Variants in RGS22 observed in about 807,000 individuals in gnomAD.
RGS22 encodes regulator of G protein signaling 22.
In RGS22, 148 loss-of-function variants were observed where a neutral mutation model predicts 172.9. The observed-to-expected ratio is 0.86, with a 90% CI of 0.75 to 0.98. The LOEUF (loss-of-function observed/expected upper bound fraction) is 0.98. Among genes scored for constraint, RGS22 ranks in the 50% least tolerant of loss-of-function variants. RGS22 has a pLI of 0.00. For missense variants in RGS22, 1,347 were observed against 1,440.8 expected (o/e 0.93, Z 1.05); for synonymous variants, 458 against 480.2 (o/e 0.95, Z 0.60).
chr8:100,016,904 T>C (rs1241445506), intron 14 of RGS22, among the ~76,000 whole-genome samples: 2 of 146,280 alleles, frequency 1.4e-5, no homozygotes, highest in African/African-American at 5.0e-5. Flanking sequence ...AACCTAAAAC[T>C]TAAAGTATAA....
At chr8:100,055,449 G>A (rs1429320455) in intron 9 of RGS22, among the ~76,000 whole-genome samples, 1 of 152,164 alleles carries the variant, frequency 6.6e-6, no homozygotes, top group Non-Finnish European at 1.5e-5. Context: ...GCCCCCTAAA[G>A]CAGATACAGC....
chr8:100,089,169 T>C (rs1008320898), intron 3 of RGS22, among the ~76,000 whole-genome samples: 2 of 151,214 alleles, frequency 1.3e-5, no homozygotes, highest in Non-Finnish European at 3.0e-5. Context: ...CCACCATAGA[T>C]ATATATACAT....
chr8:100,027,232 G>A (rs1261208210), intron 14 of RGS22, among the ~76,000 whole-genome samples: 2 of 151,294 alleles, frequency 1.3e-5, no homozygotes, highest in African/African-American at 4.9e-5. Context: ...AGATGACCTT[G>A]TCTCAAAAAA....
chr8:100,040,196 G>C, intron 12 of RGS22, 109 bp from the exon 13 acceptor site: 1 of 955,248 alleles, frequency 1.0e-6, no homozygotes, highest in Non-Finnish European at 1.6e-6. Context: ...TTTCCCACTG[G>C]ACTATTTTAT....
At chr8:100,019,460 G>A (rs1250742819) in intron 14 of RGS22, among the ~76,000 whole-genome samples, 1 of 152,178 alleles carries the variant, frequency 6.6e-6, no homozygotes, top group Non-Finnish European at 1.5e-5. Flanking sequence ...GGCCAGGACT[G>A]GAAGTAAGAA....
chr8:99,984,996 G>A (rs1812935159), intron 21 of RGS22, among the ~76,000 whole-genome samples: 1 of 152,100 alleles, frequency 6.6e-6, no homozygotes, highest in Admixed American at 6.6e-5. Flanking sequence ...GTACAACTGG[G>A]TTCTTTCCAA....
chr8:99,981,548 G>A (rs757270088), intron 22 of RGS22, among the ~76,000 whole-genome samples: 9 of 151,834 alleles, frequency 5.9e-5, no homozygotes, highest in Admixed American at 2.0e-4. Flanking sequence ...ATATGATCAC[G>A]AAAAAAACTG....
chr8:100,086,747 G>A (rs1204867747), intron 3 of RGS22, among the ~76,000 whole-genome samples: 1 of 152,096 alleles, frequency 6.6e-6, no homozygotes, highest in Non-Finnish European at 1.5e-5. Flanking sequence ...CAACTTATCG[G>A]TCCCCTCCGT....
intron 4 of RGS22, among the ~76,000 whole-genome samples, chr8:100,074,473 G>A (rs145540402): frequency 4.6e-5 from 7 of 152,300 alleles, no homozygotes; most frequent in East Asian, 1.9e-4. Flanking sequence ...GATCTGTTCC[G>A]TAGTTTTGCC....
chr8:100,054,859 T>C (rs1455477260), intron 9 of RGS22, among the ~76,000 whole-genome samples: 4 of 152,194 alleles, frequency 2.6e-5, no homozygotes, highest in Non-Finnish European at 5.9e-5. Context: ...ATACATGGGA[T>C]GGCTGGCAGA....
chr8:100,094,667 A>C (rs1812830772), intron 2 of RGS22, among the ~76,000 whole-genome samples: 1 of 152,258 alleles, frequency 6.6e-6, no homozygotes, highest in Non-Finnish European at 1.5e-5. Context: ...GCATGTGCTC[A>C]AAGAAAGTCC....
intron 9 of RGS22, among the ~76,000 whole-genome samples, chr8:100,060,658 G>A (rs1810059370): frequency 6.6e-6 from 1 of 151,696 alleles, no homozygotes; most frequent in African/African-American, 2.4e-5. Flanking sequence ...ATTGCTCAAA[G>A]AAATCAGAGG....
chr8:100,044,977 GT>G (rs1820560781), intron 11 of RGS22, among the ~76,000 whole-genome samples: 1 of 152,052 alleles, frequency 6.6e-6, no homozygotes, highest in African/African-American at 2.4e-5. Flanking sequence ...ACCCAACATA[GT>G]TTCATCTCAT....
chr8:100,017,875 A>C (rs938913135), intron 14 of RGS22, among the ~76,000 whole-genome samples: 10 of 152,334 alleles, frequency 6.6e-5, no homozygotes, highest in African/African-American at 2.4e-4. Flanking sequence ...ATAACAATGT[A>C]GCTCATGTTA....
intron 8 of RGS22, 58 bp from the exon 9 acceptor site, chr8:100,062,810 CAA>C: frequency 7.6e-7 from 1 of 1,311,282 alleles, no homozygotes; most frequent in Non-Finnish European, 1.1e-6. Context: ...ATTCAACTAC[CAA>C]AATGTAGTTG....
chr8:100,004,237 TAGAATCTGGTAA>T, intron 16 of RGS22, 139 bp from the exon 17 acceptor site: 1 of 984,354 alleles, frequency 1.0e-6, no homozygotes, highest in Non-Finnish European at 1.4e-6. Flanking sequence ...GTAAAGACTT[TAGAATCTGGTAA>T]AGAATCTGAT....
chr8:99,969,059 G>C (rs1312436531), intron 23 of RGS22, among the ~76,000 whole-genome samples: 2 of 152,108 alleles, frequency 1.3e-5, no homozygotes, highest in African/African-American at 4.8e-5. Context: ...ACCCCATAGG[G>C]TAAGCCAGGA....
intron 21 of RGS22, 132 bp downstream of exon 21, chr8:99,987,326 T>C: frequency 1.8e-6 from 1 of 565,236 alleles, no homozygotes; most frequent in Admixed American, 3.1e-5. Context: ...AATATTTATA[T>C]ACTGGTAGGA....
chr8:100,077,137 T>C (rs1811414911), intron 4 of RGS22, among the ~76,000 whole-genome samples: 1 of 152,202 alleles, frequency 6.6e-6, no homozygotes, highest in African/African-American at 2.4e-5. Context: ...TGGGCATGTA[T>C]ATCTTTCTCT....
Sources: gnomAD v4.1 joint callset for allele counts (sites outside exome capture counted in the v4.1 genomes callset) on GRCh38, gnomAD v4.1.1 for gene constraint, MANE v1.5 for transcripts, NCBI Gene and HGNC (gene_info 2026-07-23, HGNC 2026-07-21) for gene names.